The following DOCK3 variants were observed in gnomAD, a reference collection of about 807,000 sequenced individuals.
DOCK3 encodes dedicator of cytokinesis 3.
Under a neutral mutation model 265.6 loss-of-function variants are expected in DOCK3, and 60 were observed. That is an observed-to-expected ratio of 0.23 (90% CI 0.18 to 0.28). The LOEUF is 0.28. DOCK3 is among the 10% of genes least tolerant of loss of function. DOCK3 has a pLI of 1.00. For missense variants in DOCK3, 1,981 were observed against 2,594.3 expected, an observed-to-expected ratio of 0.76 and a Z score of 5.14; for synonymous variants, 881 against 938.0, an observed-to-expected ratio of 0.94 and a Z score of 1.11.
At chr3:51,298,007 A>G (rs775861178) in intron 27 of DOCK3, among the ~76,000 whole-genome samples, 28 of 152,200 alleles carry the variant, frequency 1.8e-4, no homozygotes, top group Non-Finnish European at 2.6e-4. Context: ...AAGAGTAGAT[A>G]TAATGAAGAA....
At chr3:51,211,899 T>C (rs1422459764) in intron 13 of DOCK3, among the ~76,000 whole-genome samples, 2 of 152,192 alleles carry the variant, frequency 1.3e-5, no homozygotes, top group Non-Finnish European at 2.9e-5. Context: ...CTGGGTTGAT[T>C]TGAGGGCCCC....
chr3:51,275,491 A>T (rs1250982744), intron 25 of DOCK3, among the ~76,000 whole-genome samples: 1 of 152,134 alleles, frequency 6.6e-6, no homozygotes, highest in African/African-American at 2.4e-5. Context: ...TGTTTCCATC[A>T]ATAGGTTTTA....
intron 15 of DOCK3, among the ~76,000 whole-genome samples, chr3:51,226,832 T>C (rs1010392042): frequency 1.1e-4 from 17 of 152,276 alleles, no homozygotes; most frequent in Non-Finnish European, 1.9e-4. Context: ...CAGCCAGGGG[T>C]GACCTAAAAT....
At chr3:50,737,297 G>A (rs554452378) in intron 1 of DOCK3, among the ~76,000 whole-genome samples, 1 of 152,178 alleles carries the variant, frequency 6.6e-6, no homozygotes, top group East Asian at 1.9e-4. Context: ...GCAGGAGCAG[G>A]CATCTTAAAT....
At chr3:50,723,169 G>T (rs941423042) in intron 1 of DOCK3, among the ~76,000 whole-genome samples, 5 of 152,124 alleles carry the variant, frequency 3.3e-5, no homozygotes, top group Non-Finnish European at 7.3e-5. Context: ...TGGTGGTCTT[G>T]CAGACAGGAC....
chr3:51,171,715 CAAAAA>C (rs779355875), intron 12 of DOCK3, among the ~76,000 whole-genome samples: 1 of 83,376 alleles, frequency 1.2e-5, no homozygotes. Context: ...GACTCCATCT[CAAAAA>C]AAAAAAAAAA....
chr3:50,856,890 A>G (rs2046627267), intron 3 of DOCK3, among the ~76,000 whole-genome samples: 1 of 152,058 alleles, frequency 6.6e-6, no homozygotes, highest in Non-Finnish European at 1.5e-5. Context: ...TTTTATCATG[A>G]GGGATGTTGA....
In DOCK3 at chr3:51,381,856, T is replaced by C. The variant is rs2088673450; in HGVS notation, c.*297T>C. ...TTCTTCCTCCTGCAGTTCTGGACCA[T>C]GTGGAGCTACATGGAGAAATTGCAC... On this transcript the variant is annotated 3_prime_UTR_variant, in exon 53 of 53. Transcript: ENST00000266037. The surrounding 1 kb of genome is among the most constrained non-coding windows in gnomAD (Gnocchi z 5.6). 3 of 307,834 alleles carry C rather than the reference T, an allele frequency of 9.7e-6. No individual in the cohort carries two copies. In the East Asian group the frequency reaches 1.7e-4, roughly 17 times the overall value. The allele number at this position is 307,834 out of a possible 1,614,324, so 19.1% of individuals were successfully genotyped here.
intron 7 of DOCK3, among the ~76,000 whole-genome samples, chr3:51,077,771 C>A (rs2082101659): frequency 6.6e-6 from 1 of 152,046 alleles, no homozygotes; most frequent in African/African-American, 2.4e-5. Flanking sequence ...TTTAGACATC[C>A]CACCAGAGAT....
At chr3:50,753,365 C>T (rs1446106128) in intron 1 of DOCK3, among the ~76,000 whole-genome samples, 4 of 151,522 alleles carry the variant, frequency 2.6e-5, no homozygotes, top group African/African-American at 9.7e-5. Flanking sequence ...TTTTTTGAGA[C>T]ATGGTCTTAC....
At chr3:51,340,108 G>T (rs1379036656) in intron 37 of DOCK3, among the ~76,000 whole-genome samples, 1 of 152,192 alleles carries the variant, frequency 6.6e-6, no homozygotes, top group Non-Finnish European at 1.5e-5. Flanking sequence ...AGAGGGCATT[G>T]AAGAGAAAGA....
chr3:50,831,728 C>T (rs898869807), intron 2 of DOCK3, among the ~76,000 whole-genome samples: 4 of 152,126 alleles, frequency 2.6e-5, no homozygotes, highest in African/African-American at 9.7e-5. Context: ...GATTTATAAT[C>T]CTTTGGGTAT....
At position 51,225,689 on chromosome 3, in the gene DOCK3, G is replaced by A; in HGVS notation, c.1293G>A (p.Gly431=). 6.2e-7 allele frequency: 1 copy of A among 1,613,692 alleles called. No homozygotes were observed. Among genetic ancestry groups the A allele is most frequent in the Non-Finnish European group, 8.5e-7 (1 of 1,179,722 alleles). The change falls in exon 15 of 53, where the codon GGG becomes GGA. Residue 431 remains glycine (G), a synonymous_variant. Transcript: ENST00000266037. ...ACCTGTACCTAACCCTGGAGAAGGG[G>A]GATTTCGAGAGAGGAGGAAAGAGTG... ...RNDLYLTLEK[G]DFERGGKSVQ...
intron 1 of DOCK3, among the ~76,000 whole-genome samples, chr3:50,677,878 G>GC (rs2034099613): frequency 6.6e-6 from 1 of 152,120 alleles, no homozygotes; most frequent in South Asian, 2.1e-4. Context: ...TGATGACTGA[G>GC]CCCCCCTTTC....
At chr3:50,793,959 T>C (rs1305230329) in intron 2 of DOCK3, among the ~76,000 whole-genome samples, 2 of 152,210 alleles carry the variant, frequency 1.3e-5, no homozygotes, top group Non-Finnish European at 2.9e-5. Flanking sequence ...TTCAAAGAAC[T>C]TGTTGATTTT....
intron 27 of DOCK3, among the ~76,000 whole-genome samples, chr3:51,308,913 G>A (rs1310983854): frequency 4.0e-5 from 6 of 150,164 alleles, no homozygotes; most frequent in African/African-American, 9.8e-5. Context: ...CAGACGGGGC[G>A]GCCGGGCAGA....
chr3:50,712,522 G>C (rs1372852205), intron 1 of DOCK3, among the ~76,000 whole-genome samples: 1 of 152,100 alleles, frequency 6.6e-6, no homozygotes, highest in African/African-American at 2.4e-5. Flanking sequence ...ATCTTTAGTA[G>C]AGTCGGGGTT....
intron 2 of DOCK3, among the ~76,000 whole-genome samples, chr3:50,830,890 AT>A (rs2045102439): frequency 6.6e-6 from 1 of 152,126 alleles, no homozygotes; most frequent in Non-Finnish European, 1.5e-5. Context: ...CTGGTTGGCT[AT>A]TTTTATGGTT....
chr3:50,861,821 A>T (rs533455302), intron 3 of DOCK3, among the ~76,000 whole-genome samples: 1 of 134,700 alleles, frequency 7.4e-6, no homozygotes, highest in Non-Finnish European at 1.6e-5. Context: ...TTTGGGTGTC[A>T]TTACATATGA....
Sources: gnomAD v4.1 joint callset for allele counts (sites outside exome capture counted in the v4.1 genomes callset) on GRCh38, gnomAD v4.1.1 for gene constraint, Gnocchi (gnomAD v3.1) non-coding constraint, MANE v1.5 for transcripts, NCBI Gene and HGNC (gene_info 2026-07-23, HGNC 2026-07-21) for gene names.